Variants in BCKDK observed in about 807,000 individuals in gnomAD.
The protein encoded by BCKDK is branched-chain alpha-ketoacid dehydrogenase kinase.
In BCKDK, 28 loss-of-function variants were observed where a neutral mutation model predicts 43.9. The observed-to-expected ratio is 0.64, with a 90% CI of 0.47 to 0.87. BCKDK has a LOEUF of 0.87. Among genes scored for constraint, BCKDK ranks in the 40% least tolerant of loss-of-function variants. The pLI, the probability that BCKDK is intolerant of heterozygous loss-of-function variation, is 0.00. For missense variants in BCKDK, 483 were observed against 581.4 expected (o/e 0.83, Z 1.74); for synonymous variants, 257 against 234.3 (o/e 1.10, Z -0.88).
downstream of BCKDK, among the ~76,000 whole-genome samples, chr16:31,116,296 T>G (rs1400185185): frequency 2.7e-5 from 4 of 149,200 alleles, no homozygotes; most frequent in African/African-American, 9.9e-5. Flanking sequence ...CACTGCAACC[T>G]CCGCCTCCCG....
chr16:31,112,410 G>C lies in BCKDK; in HGVS notation c.*145G>C, dbSNP rs1415285276. The C allele has an allele frequency of 1.5e-6, 2 of 1,341,584 alleles. No individual in the cohort carries two copies. The highest frequency in any genetic ancestry group is 3.9e-5 in the Admixed American group (2 of 51,728). 83.1% of individuals were successfully genotyped at this position (1,341,584 alleles called of 1,614,324 possible). A position where few individuals can be genotyped will look rare whatever the true frequency, so the allele number is the denominator to read the frequency against. On this transcript the variant is annotated 3_prime_UTR_variant, in exon 12 of 12. Coordinates refer to ENST00000219794, the MANE Select transcript of BCKDK (RefSeq NM_005881.4). This position sits in a 1 kb window ranked among gnomAD's most constrained non-coding sequence, Gnocchi z 5.0. Reference sequence around the variant, plus strand: ...CAGACAGATGGACTTACATGGAGCTGGGCACTGCCCTGCCTCAACAGGGTC... The same window carrying C: ...CAGACAGATGGACTTACATGGAGCTCGGCACTGCCCTGCCTCAACAGGGTC...
At position 31,109,866 on chromosome 16, in the gene BCKDK, T is replaced by A; in HGVS notation, c.375+83T>A. On this transcript the variant is annotated intron_variant, in intron 4 of 11. Transcript: ENST00000219794. The surrounding 1 kb of genome is among the most constrained non-coding windows in gnomAD (Gnocchi z 5.3). Reference sequence around the variant, plus strand: ...GTCTGGGGCCCAGAGTGGCAGACGATTGCTTGCCTAAAGGTGTCAGGGCCA... The same window carrying A: ...GTCTGGGGCCCAGAGTGGCAGACGAATGCTTGCCTAAAGGTGTCAGGGCCA... 1 of 1,481,450 alleles carries A rather than the reference T, an allele frequency of 6.8e-7. No homozygotes were observed. The highest frequency in any genetic ancestry group is 9.4e-7 in the Non-Finnish European group (1 of 1,065,294). 91.8% of individuals were successfully genotyped at this position (1,481,450 alleles called of 1,614,324 possible). A position where few individuals can be genotyped will look rare whatever the true frequency, so the allele number is the denominator to read the frequency against.
rs959636032 is a variant in BCKDK, at chr16:31,112,513, G to A, written c.*248G>A. 5.7e-5 allele frequency: 35 copies of A among 618,804 alleles called. No individual in the cohort carries two copies. The highest frequency in any genetic ancestry group is 8.6e-5 in the Non-Finnish European group (30 of 348,508). The allele number at this position is 618,804 out of a possible 1,614,324, so 38.3% of individuals were successfully genotyped here. A position where few individuals can be genotyped will look rare whatever the true frequency, so the allele number is the denominator to read the frequency against. On this transcript the variant is annotated 3_prime_UTR_variant, in exon 12 of 12. Coordinates refer to ENST00000219794, the MANE Select transcript of BCKDK (RefSeq NM_005881.4). The surrounding 1 kb of genome is among the most constrained non-coding windows in gnomAD (Gnocchi z 5.0). ...CTCCAGCACCAGTTCCGTCATTCTCGTTCCTGGGGAACCCCCACTCTGACC... is the reference window on the plus strand; with the variant it reads ...CTCCAGCACCAGTTCCGTCATTCTCATTCCTGGGGAACCCCCACTCTGACC...
In BCKDK at chr16:31,110,735, T is replaced by G. The variant is rs1198528694; in HGVS notation, c.690T>G (p.Ile230Met). The change falls in exon 8 of 12, where the codon ATT (isoleucine) becomes ATG (methionine). Residue 230 changes from isoleucine (I) to methionine (M), a missense_variant. Ile to Met is a conservative substitution (Grantham distance 10). Coordinates refer to ENST00000219794, the MANE Select transcript of BCKDK (RefSeq NM_005881.4). The surrounding 1 kb of genome is among the most constrained non-coding windows in gnomAD (Gnocchi z 5.4). ...IICTRLSPKK[I>M]IEKWVDFARR... ...GTACTCGTCTCTCACCAAAGAAGAT[T>G]ATTGAGAAGTGGGTGGACTTTGCCA... The G allele has an allele frequency of 5.0e-6, 8 of 1,613,770 alleles. No individual in the cohort carries two copies. Among genetic ancestry groups the G allele is most frequent in the Non-Finnish European group, 6.8e-6 (8 of 1,179,962 alleles).
rs1002056919 is a variant in BCKDK at position 31,109,863 on chromosome 16, C to A, written c.375+80C>A. ...GGAGTCTGGGGCCCAGAGTGGCAGA[C>A]GATTGCTTGCCTAAAGGTGTCAGGG... is the stretch of plus-strand genomic sequence containing the variant. On this transcript the variant is annotated intron_variant, in intron 4 of 11. Transcript: ENST00000219794. This position sits in a 1 kb window ranked among gnomAD's most constrained non-coding sequence, Gnocchi z 5.3. 2.0e-6 allele frequency: 3 copies of A among 1,485,654 alleles called. No individual in the cohort carries two copies. The African/African-American group carries it at 4.2e-5, about 21-fold the overall frequency. The allele number at this position is 1,485,654 out of a possible 1,614,324, so 92.0% of individuals were successfully genotyped here.
downstream of BCKDK, chr16:31,112,924 C>T (rs2057426264): frequency 6.1e-6 from 1 of 164,766 alleles, no homozygotes; most frequent in South Asian, 1.4e-4. The surrounding 1 kb of genome is among the most constrained non-coding windows in gnomAD (Gnocchi z 5.0). Flanking sequence ...AACTCCTGAG[C>T]CAACTGCTTC....
rs753438536 is a variant in BCKDK at position 31,110,347 on chromosome 16, C to T, written c.543+23C>T. 28 of 1,613,842 alleles carry T rather than the reference C, an allele frequency of 1.7e-5. No homozygotes were observed. Among genetic ancestry groups the T allele is most frequent in the African/African-American group, 5.3e-5 (4 of 74,872 alleles). ...GAGGTTGGGGCAGCAAAGGAGAGGC[C>T]GGGCCTGCTGGGGGTGGGAAGGGCA... On this transcript the variant is annotated intron_variant, in intron 6 of 11. Transcript: ENST00000219794. The surrounding 1 kb of genome is among the most constrained non-coding windows in gnomAD (Gnocchi z 5.4).
intron 10 of BCKDK, 70 bp from the exon 11 acceptor site, chr16:31,111,799 T>A (rs1298450503): frequency 6.3e-7 from 1 of 1,579,266 alleles, no homozygotes; most frequent in Non-Finnish European, 8.7e-7. Flanking sequence ...GACTTTGCAC[T>A]GTCTGCTTGG....
rs1338068200 is a variant in BCKDK at position 31,109,654 on chromosome 16, C to T, written c.265-19C>T. 1.2e-6 allele frequency: 2 copies of T among 1,613,820 alleles called. No homozygotes were observed. Among genetic ancestry groups the T allele is most frequent in the Non-Finnish European group, 1.7e-6 (2 of 1,179,890 alleles). ...ACACTCAGGCTCCAGCCCCGCCTTC[C>T]CTTCTCATTTTCTCCCAGAAAAGTG... On this transcript the variant is annotated intron_variant, in intron 3 of 11. Transcript: ENST00000219794. The surrounding 1 kb of genome is among the most constrained non-coding windows in gnomAD (Gnocchi z 5.3).
At chr16:31,111,836 G>T in intron 10 of BCKDK, 33 bp from the exon 11 acceptor site, 1 of 1,612,686 alleles carries the variant, frequency 6.2e-7, no homozygotes. Context: ...CATCAAAGCT[G>T]AGCCAAGCCC....
At chr16:31,115,222 CTTT>C (rs56055700), downstream of BCKDK, among the ~76,000 whole-genome samples, 6 of 129,000 alleles carry the variant, frequency 4.7e-5, no homozygotes, top group South Asian at 2.4e-4. Context: ...CGCGCCCAGT[CTTT>C]TTTTTTTTTT....
rs754517816 is a variant in BCKDK at position 31,111,398 on chromosome 16, T to G, written c.935+9T>G. On this transcript the variant is annotated intron_variant, in intron 10 of 11. Transcript: ENST00000219794. ...GTCGATCTGATCATCAGGTTTGCCC[T>G]GAGTGGGAGTTGAGCTGAGGTGGAT... 1 of 1,613,560 alleles carries G rather than the reference T, an allele frequency of 6.2e-7. No homozygotes were observed. The highest frequency in any genetic ancestry group is 8.5e-7 in the Non-Finnish European group (1 of 1,179,520).
rs765128280 is a variant in BCKDK at position 31,111,357 on chromosome 16, C to T, written c.903C>T (p.Thr301=). ...ACAATGTCCCAGATGTGGTCATCAC[C>T]ATCGCCAACAATGATGTCGATCTGA... is the stretch of plus-strand genomic sequence containing the variant. ...TPYNVPDVVI[T]IANNDVDLII... Residue 301 remains threonine, a synonymous_variant, in exon 10 of 12, where the codon ACC becomes ACT. Coordinates refer to ENST00000219794, the MANE Select transcript of BCKDK (RefSeq NM_005881.4). The T allele has an allele frequency of 1.2e-5, 19 of 1,614,152 alleles. No individual in the cohort carries two copies. The highest frequency in any genetic ancestry group is 1.7e-5 in the Admixed American group (1 of 60,018).
Position 31,109,064 on chromosome 16 carries a change from C to T in BCKDK, c.-160C>T, listed in dbSNP as rs2143936070. On this transcript the variant is annotated 5_prime_UTR_variant, in exon 2 of 12. Coordinates refer to ENST00000219794, the MANE Select transcript of BCKDK (RefSeq NM_005881.4). The surrounding 1 kb of genome is among the most constrained non-coding windows in gnomAD (Gnocchi z 5.3). ...CCCGGTAGATGGGAGCTGCTCTCCG[C>T]GGGCTGAGCCTGTCAGCATCCTCGA... The T allele has an allele frequency of 3.4e-6, 2 of 589,464 alleles. No homozygotes were observed. Among genetic ancestry groups the T allele is most frequent in the Admixed American group, 3.6e-5 (1 of 27,622 alleles). The allele number at this position is 589,464 out of a possible 1,614,324, so 36.5% of individuals were successfully genotyped here. A position where few individuals can be genotyped will look rare whatever the true frequency, so the allele number is the denominator to read the frequency against.
chr16:31,111,878 C>T lies in BCKDK; in HGVS notation c.945C>T (p.Asp315=). ...NDVDLIIRIS[D]RGGGIAHKDL... The stretch of plus-strand genomic sequence containing the variant: ...GTTGCCATCTTGCTAGGATCTCAGA[C>T]CGTGGTGGAGGAATCGCTCACAAAG... The change falls in exon 11 of 12, where the codon GAC becomes GAT. Residue 315 remains aspartate (D), a synonymous_variant. Transcript: ENST00000219794. 1 of 1,614,112 alleles carries T rather than the reference C, an allele frequency of 6.2e-7. No individual in the cohort carries two copies. Among genetic ancestry groups the T allele is most frequent in the Non-Finnish European group, 8.5e-7 (1 of 1,180,006 alleles).
downstream of BCKDK, among the ~76,000 whole-genome samples, chr16:31,113,814 G>A (rs151285606): frequency 2.5e-3 from 373 of 152,208 alleles, 2 homozygotes; most frequent in Middle Eastern, 0.068. Flanking sequence ...TTTCTGGTTG[G>A]AGTCCCTGAG....
Position 31,112,782 on chromosome 16 carries a change from T to C in BCKDK, c.*517T>C. The C allele has an allele frequency of 4.6e-6, 1 of 217,734 alleles. No individual in the cohort carries two copies. 13.5% of individuals were successfully genotyped at this position (217,734 alleles called of 1,614,324 possible). On this transcript the variant is annotated 3_prime_UTR_variant, in exon 12 of 12. Transcript: ENST00000219794. The surrounding 1 kb of genome is among the most constrained non-coding windows in gnomAD (Gnocchi z 5.0). ...ACCTTATACAAAGAGCTTTCATTCA[T>C]CTTGTTGAACAAATGTTTCCGGGTC...
rs749616236 is a variant in BCKDK at position 31,111,287 on chromosome 16, C to T, written c.846-13C>T. ...GGGGTGCTTGTACCTACTGGTCTTT[C>T]CCCTCTGCATAGAGCCACAATGGAG... On this transcript the variant is annotated splice_polypyrimidine_tract_variant and intron_variant, in intron 9 of 11. Coordinates refer to ENST00000219794, the MANE Select transcript of BCKDK (RefSeq NM_005881.4). 2.5e-6 allele frequency: 4 copies of T among 1,614,008 alleles called. No individual in the cohort carries two copies. In the East Asian group the frequency reaches 6.7e-5, roughly 27 times the overall value.
downstream of BCKDK, among the ~76,000 whole-genome samples, chr16:31,114,094 G>C (rs537664363): frequency 3.0e-3 from 452 of 152,290 alleles, 1 homozygote; most frequent in Non-Finnish European, 5.2e-3. Flanking sequence ...CTCAGGTGCT[G>C]GTGTGGGTCT....
Sources: allele counts gnomAD v4.1 joint callset (sites outside exome capture counted in the v4.1 genomes callset), GRCh38; gene constraint gnomAD v4.1.1; non-coding constraint Gnocchi (gnomAD v3.1); transcripts MANE v1.5; gene names NCBI Gene and HGNC (gene_info 2026-07-23, HGNC 2026-07-21).